The following RBMS3 variants were observed in gnomAD, a reference collection of about 807,000 sequenced individuals.
RBMS3 encodes the protein RNA binding motif single stranded interacting protein 3.
Under a neutral mutation model 66.8 loss-of-function variants are expected in RBMS3, and 27 were observed. The ratio of observed to expected loss-of-function variants is 0.40; its 90% CI spans 0.30 to 0.56. The LOEUF (loss-of-function observed/expected upper bound fraction) is 0.56. RBMS3 is among the 20% of genes least tolerant of loss of function. The pLI is 0.40. For synonymous variants in RBMS3, 188 were observed against 183.0 expected, an observed-to-expected ratio of 1.03 and a Z score of -0.22; for missense variants, 513 against 549.5, an observed-to-expected ratio of 0.93 and a Z score of 0.66.
intron 3 of RBMS3, among the ~76,000 whole-genome samples, chr3:29,508,448 A>G (rs939307818): frequency 1.3e-5 from 2 of 152,000 alleles, no homozygotes; most frequent in African/African-American, 2.4e-5. Context: ...GAGGACATGC[A>G]GTGTTTGGTT....
chr3:29,473,134 T>G (rs1276503513), intron 2 of RBMS3, among the ~76,000 whole-genome samples: 1 of 151,176 alleles, frequency 6.6e-6, no homozygotes, highest in African/African-American at 2.4e-5. Flanking sequence ...GATTGGTGTA[T>G]TTACAATCCC....
intron 3 of RBMS3, among the ~76,000 whole-genome samples, chr3:29,559,163 G>C (rs1366258114): frequency 1.3e-5 from 2 of 151,946 alleles, no homozygotes; most frequent in South Asian, 2.1e-4. Context: ...TATCCTTATA[G>C]TTAAATATTT....
intron 4 of RBMS3, among the ~76,000 whole-genome samples, chr3:29,641,890 A>G (rs892914999): frequency 5.9e-5 from 9 of 151,982 alleles, no homozygotes; most frequent in African/African-American, 2.2e-4. Context: ...GGCTTTGGAG[A>G]TGCATATTAA....
chr3:29,299,572 G>C (rs1157062244), intron 1 of RBMS3, among the ~76,000 whole-genome samples: 3 of 151,254 alleles, frequency 2.0e-5, no homozygotes, highest in African/African-American at 7.3e-5. Flanking sequence ...AGTGGGGGTA[G>C]AAATTATTTG....
intron 3 of RBMS3, among the ~76,000 whole-genome samples, chr3:29,514,636 A>C: frequency 9.6e-6 from 1 of 103,974 alleles, no homozygotes; most frequent in Non-Finnish European, 1.8e-5. Context: ...GCATATATAT[A>C]TGTGTGATAG....
At chr3:29,497,256 G>T (rs148554720) in intron 3 of RBMS3, among the ~76,000 whole-genome samples, 2 of 152,086 alleles carry the variant, frequency 1.3e-5, no homozygotes, top group African/African-American at 2.4e-5. Context: ...TGATCCGCCC[G>T]CCTCAACCTC....
At chr3:29,496,165 A>G (rs1479018256) in intron 3 of RBMS3, among the ~76,000 whole-genome samples, 2 of 150,294 alleles carry the variant, frequency 1.3e-5, no homozygotes, top group East Asian at 3.9e-4. Context: ...CAATTTTCAT[A>G]TAATGGGATT....
intron 10 of RBMS3, among the ~76,000 whole-genome samples, chr3:29,927,963 T>C (rs1451189727): frequency 6.6e-6 from 1 of 152,040 alleles, no homozygotes; most frequent in Non-Finnish European, 1.5e-5. Flanking sequence ...GTCCTGTCAC[T>C]GAACTGTCCT....
chr3:29,850,849 A>G (rs1456290061), intron 6 of RBMS3, among the ~76,000 whole-genome samples: 1 of 152,196 alleles, frequency 6.6e-6, no homozygotes, highest in African/African-American at 2.4e-5. Context: ...TCACTCTAGC[A>G]GGAAAGGGAT....
At chr3:29,300,447 A>G (rs1480857643) in intron 1 of RBMS3, among the ~76,000 whole-genome samples, 6 of 152,010 alleles carry the variant, frequency 3.9e-5, no homozygotes, top group Non-Finnish European at 7.4e-5. Context: ...ATGACGTTTT[A>G]TCTTTACAAA....
At chr3:29,744,398 A>C (rs2054780527) in intron 5 of RBMS3, among the ~76,000 whole-genome samples, 1 of 152,220 alleles carries the variant, frequency 6.6e-6, no homozygotes, top group Admixed American at 6.5e-5. Flanking sequence ...GTACTGGAAT[A>C]TTAGAAAAAT....
At chr3:29,896,815 G>T (rs2060133401) in intron 8 of RBMS3, among the ~76,000 whole-genome samples, 1 of 151,522 alleles carries the variant, frequency 6.6e-6, no homozygotes, top group Admixed American at 6.6e-5. Context: ...TATCACATAG[G>T]TTCAGTGTCT....
intron 2 of RBMS3, among the ~76,000 whole-genome samples, chr3:29,485,244 G>T (rs1419792715): frequency 1.3e-5 from 2 of 152,114 alleles, no homozygotes; most frequent in Non-Finnish European, 2.9e-5. Flanking sequence ...AATTAAATAT[G>T]AAAATTGTAT....
At chr3:29,580,357 T>C (rs553731833) in intron 3 of RBMS3, among the ~76,000 whole-genome samples, 1 of 152,282 alleles carries the variant, frequency 6.6e-6, no homozygotes, top group East Asian at 1.9e-4. Flanking sequence ...GACTAATTCA[T>C]ACATATATAC....
intron 11 of RBMS3, among the ~76,000 whole-genome samples, chr3:29,936,899 A>C (rs1180972998): frequency 6.6e-6 from 1 of 152,080 alleles, no homozygotes; most frequent in Non-Finnish European, 1.5e-5. Context: ...ATGTTCAAGG[A>C]GGCAAAAGCC....
At chr3:29,641,135 C>A (rs901621688) in intron 4 of RBMS3, 17 of 151,988 alleles carry the variant, frequency 1.1e-4, no homozygotes, top group African/African-American at 4.1e-4. Context: ...ATCTTTTATT[C>A]TTCCTTCTTT....
At chr3:29,702,434 C>T (rs932974340) in intron 4 of RBMS3, among the ~76,000 whole-genome samples, 2 of 152,120 alleles carry the variant, frequency 1.3e-5, no homozygotes, top group African/African-American at 2.4e-5. Context: ...GTGGGTGGGG[C>T]CAGATAAGGG....
chr3:29,973,658 G>A (rs1284837504), intron 12 of RBMS3, among the ~76,000 whole-genome samples: 2 of 151,844 alleles, frequency 1.3e-5, no homozygotes, highest in Non-Finnish European at 2.9e-5. Context: ...CAACACTTTG[G>A]CCTCTCAATT....
chr3:29,941,212 C>T (rs1248342263), intron 11 of RBMS3, among the ~76,000 whole-genome samples: 8 of 151,820 alleles, frequency 5.3e-5, no homozygotes, highest in Non-Finnish European at 2.9e-5. Context: ...TGTAATTGTA[C>T]TCCATTTGTC....
Sources: gnomAD v4.1 joint callset for allele counts (sites outside exome capture counted in the v4.1 genomes callset) on GRCh38, gnomAD v4.1.1 for gene constraint, MANE v1.5 for transcripts, NCBI Gene and HGNC (gene_info 2026-07-23, HGNC 2026-07-21) for gene names.